Variants in CELF2 observed in about 807,000 individuals in gnomAD.
The protein encoded by CELF2 is CUG triplet repeat RNA-binding protein 2.
CELF2 carries 8 observed loss-of-function variants against 62.6 expected under a neutral mutation model. The observed-to-expected ratio is 0.13, with a 90% CI of 0.07 to 0.23. The LOEUF (loss-of-function observed/expected upper bound fraction) is 0.23, where lower values mean the gene tolerates loss of function less well. Ranked by LOEUF, CELF2 falls within the 10% of genes least tolerant of loss-of-function variation. The probability of loss-of-function intolerance (pLI) is 1.00; values close to 1 mark genes in which losing one functional copy is unlikely to be tolerated. For synonymous variants in CELF2, 258 were observed against 250.0 expected (o/e 1.03, Z -0.30); for missense variants, 333 against 671.0 (o/e 0.50, Z 5.56).
At chr10:10,552,096 G>T in the CELF2 span, among the ~76,000 whole-genome samples, 1 of 152,186 alleles carries the variant, frequency 6.6e-6, no homozygotes, top group East Asian at 1.9e-4. Flanking sequence ...CAGACAAAGC[G>T]GTTGCCTTGT....
the CELF2 span, among the ~76,000 whole-genome samples, chr10:10,490,362 G>A: frequency 6.6e-6 from 1 of 152,152 alleles, no homozygotes; most frequent in Non-Finnish European, 1.5e-5. Flanking sequence ...TCTGCCTAAT[G>A]TGATTCTGTG....
At chr10:10,574,055 T>A in the CELF2 span, among the ~76,000 whole-genome samples, 1 of 152,184 alleles carries the variant, frequency 6.6e-6, no homozygotes, top group Non-Finnish European at 1.5e-5. Flanking sequence ...AATTTTGTAT[T>A]TTAAAGAGAA....
chr10:11,092,892 A>G (rs55880889), intron 1 of CELF2, among the ~76,000 whole-genome samples: 9,529 of 152,300 alleles, frequency 0.063, 376 homozygotes, highest in Middle Eastern at 0.11. Context: ...CCATCCAGAC[A>G]TAGGAGACAG....
chr10:10,636,119 T>A, the CELF2 span, among the ~76,000 whole-genome samples: 1 of 152,250 alleles, frequency 6.6e-6, no homozygotes, highest in Non-Finnish European at 1.5e-5. Flanking sequence ...AATAGCCATT[T>A]AGTCAAAGGT....
At chr10:10,630,079 TTTG>T in the CELF2 span, among the ~76,000 whole-genome samples, 3 of 152,094 alleles carry the variant, frequency 2.0e-5, no homozygotes, top group Non-Finnish European at 2.9e-5. Context: ...TCTGCTTTTG[TTTG>T]TTATTTTTTT....
At chr10:10,542,953 C>T in the CELF2 span, among the ~76,000 whole-genome samples, 5 of 152,284 alleles carry the variant, frequency 3.3e-5, no homozygotes, top group African/African-American at 9.6e-5. Flanking sequence ...CATTGTCAGT[C>T]TGTATTTTCA....
chr10:10,880,557 G>T (rs368569726), intron 1 of CELF2, among the ~76,000 whole-genome samples: 1 of 152,074 alleles, frequency 6.6e-6, no homozygotes, highest in South Asian at 2.1e-4. Flanking sequence ...GGGGTGTTAC[G>T]GATACTGGCT....
At chr10:10,489,407 T>A in the CELF2 span, among the ~76,000 whole-genome samples, 1 of 152,244 alleles carries the variant, frequency 6.6e-6, no homozygotes, top group African/African-American at 2.4e-5. Flanking sequence ...CTAGACTACA[T>A]TTTTCAGTGT....
chr10:10,683,200 A>C, the CELF2 span, among the ~76,000 whole-genome samples: 825 of 152,264 alleles, frequency 5.4e-3, 3 homozygotes, highest in Middle Eastern at 0.014. Flanking sequence ...ATACACAGAA[A>C]CTGATCAGCT....
At chr10:10,878,493 C>G (rs1419218080) in intron 1 of CELF2, among the ~76,000 whole-genome samples, 1 of 152,210 alleles carries the variant, frequency 6.6e-6, no homozygotes, top group African/African-American at 2.4e-5. Context: ...CTTCCTCAAG[C>G]CTGAGATTGG....
chr10:10,715,523 A>T, the CELF2 span, among the ~76,000 whole-genome samples: 2 of 152,166 alleles, frequency 1.3e-5, no homozygotes, highest in African/African-American at 4.8e-5. Flanking sequence ...TAAAAGAAAA[A>T]ACTTAAATTA....
At chr10:11,196,616 C>G (rs2057554859) in intron 2 of CELF2, among the ~76,000 whole-genome samples, 1 of 151,900 alleles carries the variant, frequency 6.6e-6, no homozygotes, top group East Asian at 1.9e-4. Context: ...ATACTGCACT[C>G]CAGCCTGGCA....
the CELF2 span, among the ~76,000 whole-genome samples, chr10:10,618,384 C>A: frequency 6.6e-6 from 1 of 152,032 alleles, no homozygotes; most frequent in African/African-American, 2.4e-5. Context: ...TACCTCAGGG[C>A]CTTTGCACTT....
intron 1 of CELF2, among the ~76,000 whole-genome samples, chr10:10,835,492 C>G (rs576696598): frequency 6.6e-6 from 1 of 151,984 alleles, no homozygotes; most frequent in Non-Finnish European, 1.5e-5. Context: ...TAGCGATTCT[C>G]CTGCCTCAGC....
At chr10:10,905,900 A>C (rs1256283833) in intron 1 of CELF2, among the ~76,000 whole-genome samples, 3 of 151,424 alleles carry the variant, frequency 2.0e-5, no homozygotes, top group Non-Finnish European at 4.4e-5. Flanking sequence ...AAAAAAAAGA[A>C]AAAGAAAAAA....
intron 2 of CELF2, among the ~76,000 whole-genome samples, chr10:11,174,095 C>G (rs1379066860): frequency 6.6e-6 from 1 of 152,030 alleles, no homozygotes; most frequent in Non-Finnish European, 1.5e-5. Flanking sequence ...AGAGCTCTTA[C>G]CTATGTTAAA....
At chr10:10,648,299 A>G in the CELF2 span, among the ~76,000 whole-genome samples, 2 of 152,154 alleles carry the variant, frequency 1.3e-5, no homozygotes, top group East Asian at 3.9e-4. Flanking sequence ...CTGGATAGTC[A>G]TTAATGTAGC....
chr10:11,120,062 C>T (rs1490416470), intron 1 of CELF2, among the ~76,000 whole-genome samples: 1 of 152,114 alleles, frequency 6.6e-6, no homozygotes, highest in Non-Finnish European at 1.5e-5. Flanking sequence ...TTGGTCCTAT[C>T]ACTGCTAATT....
chr10:10,848,631 A>T (rs767491540), intron 1 of CELF2, among the ~76,000 whole-genome samples: 1 of 152,102 alleles, frequency 6.6e-6, no homozygotes, highest in Middle Eastern at 3.2e-3. Context: ...AGTTCTGCTG[A>T]TATCTTCCCT....
Sources: gnomAD v4.1 joint callset for allele counts (sites outside exome capture counted in the v4.1 genomes callset) on GRCh38, gnomAD v4.1.1 for gene constraint, MANE v1.5 for transcripts, NCBI Gene and HGNC (gene_info 2026-07-23, HGNC 2026-07-21) for gene names.